Variants in C21orf58 observed in about 807,000 individuals in gnomAD.
The protein encoded by C21orf58 is uncharacterized protein C21orf58.
Under a neutral mutation model 35.8 loss-of-function variants are expected in C21orf58, and 34 were observed. That is an observed-to-expected ratio of 0.95 (90% CI 0.72 to 1.26). The LOEUF (loss-of-function observed/expected upper bound fraction) is 1.26, where lower values mean the gene tolerates loss of function less well. C21orf58 is among the 50% of genes most tolerant of loss of function. The pLI is 0.00. For missense variants in C21orf58, 440 were observed against 414.3 expected (o/e 1.06, Z -0.54); for synonymous variants, 191 against 175.8 (o/e 1.09, Z -0.68).
At chr21:46,302,761 G>T (rs1274669725) in intron 6 of C21orf58, among the ~76,000 whole-genome samples, 185 bp from the exon 7 acceptor site, 2 of 119,516 alleles carry the variant, frequency 1.7e-5, no homozygotes, top group Non-Finnish European at 3.5e-5. Context: ...GTCTGCACAC[G>T]GTGCGGGTCC....
downstream of C21orf58, chr21:46,300,671 G>GT (rs1407712091): frequency 1.6e-6 from 2 of 1,273,628 alleles, no homozygotes; most frequent in Non-Finnish European, 2.0e-6. Flanking sequence ...GCTGTCCCTG[G>GT]GGAGCTCTGC....
chr21:46,316,158 TA>T (rs879446765), intron 3 of C21orf58, among the ~76,000 whole-genome samples: 125 of 142,288 alleles, frequency 8.8e-4, no homozygotes, highest in Non-Finnish European at 7.6e-4. Context: ...GTCTCAGGAA[TA>T]AAAAAAAAAA....
intron 5 of C21orf58, among the ~76,000 whole-genome samples, chr21:46,312,833 C>T (rs2082800464): frequency 6.6e-6 from 1 of 152,206 alleles, no homozygotes. Flanking sequence ...GTCCCAGTGA[C>T]CTCTCTATCC....
rs1389268444 is a variant in C21orf58 at position 46,315,479 on chromosome 21, G to C, written c.439C>G (p.Leu147Val). 6.2e-7 allele frequency: 1 copy of C among 1,600,456 alleles called. No homozygotes were observed. Among genetic ancestry groups the C allele is most frequent in the Non-Finnish European group, 8.6e-7 (1 of 1,168,098 alleles). ...TCAGAGGGTGCAGGGCCTACCCGGA[G>C]TCTCTGCAGAAGGTCCCTCCTTCTC... Reference protein sequence around the residue: ...LKRRRDLLQRLREQHLLDELS... With the variant: ...LKRRRDLLQRVREQHLLDELS... Residue 147 changes from leucine to valine, a missense_variant, in exon 4 of 8, where the codon CTC becomes GTC. Transcript: ENST00000291691.
Position 46,301,550 on chromosome 21 carries a change from G to A in C21orf58, c.*449C>T. Reference sequence around the variant, plus strand: ...ATCAGGATGTTCACACTTCCATGTGGCTAAAGCTATTGATCTTTTCTGTTC... The same window carrying A: ...ATCAGGATGTTCACACTTCCATGTGACTAAAGCTATTGATCTTTTCTGTTC... On this transcript the variant is annotated 3_prime_UTR_variant, in exon 8 of 8. Coordinates refer to ENST00000291691, the MANE Select transcript of C21orf58 (RefSeq NM_058180.5). 1.0e-6 allele frequency: 1 copy of A among 989,038 alleles called. No individual in the cohort carries two copies. The highest frequency in any genetic ancestry group is 1.2e-6 in the Non-Finnish European group (1 of 832,458). 61.3% of individuals were successfully genotyped at this position (989,038 alleles called of 1,614,324 possible). A position where few individuals can be genotyped will look rare whatever the true frequency, so the allele number is the denominator to read the frequency against.
chr21:46,310,482 C>CAAAA (rs1569126386), intron 6 of C21orf58, among the ~76,000 whole-genome samples: 1 of 126,746 alleles, frequency 7.9e-6, no homozygotes, highest in African/African-American at 3.8e-5. Flanking sequence ...TGTCTCAGAA[C>CAAAA]AAAAAAAATA....
chr21:46,313,929 C>T (rs1383952238), intron 5 of C21orf58, among the ~76,000 whole-genome samples: 3 of 152,164 alleles, frequency 2.0e-5, no homozygotes, highest in Admixed American at 6.6e-5. Flanking sequence ...CCTTGACCTC[C>T]GGGCCCCCAG....
intron 2 of C21orf58, among the ~76,000 whole-genome samples, 189 bp downstream of exon 2, chr21:46,317,823 C>T (rs1421837701): frequency 6.6e-6 from 1 of 152,238 alleles, no homozygotes; most frequent in African/African-American, 2.4e-5. Flanking sequence ...ACAGGCAGGT[C>T]GGTCATGGGC....
intron 7 of C21orf58, 94 bp downstream of exon 7, chr21:46,302,391 C>T (rs1247298730): frequency 1.8e-6 from 2 of 1,123,400 alleles, no homozygotes; most frequent in African/African-American, 3.1e-5. Flanking sequence ...CCAGGAATGC[C>T]CTTTCAGAGC....
At chr21:46,310,919 A>C (rs1332724475) in intron 6 of C21orf58, among the ~76,000 whole-genome samples, 1 of 151,542 alleles carries the variant, frequency 6.6e-6, no homozygotes. Flanking sequence ...CCCAGGATGG[A>C]GTAAAGTTGT....
intron 6 of C21orf58, among the ~76,000 whole-genome samples, chr21:46,309,534 A>G (rs2145994971): frequency 1.3e-5 from 2 of 152,316 alleles, no homozygotes; most frequent in African/African-American, 4.8e-5. Flanking sequence ...ATCCACCAAC[A>G]GGTGAATGCA....
Position 46,301,391 on chromosome 21 carries a change from C to G in C21orf58, c.*608G>C. 1.3e-6 allele frequency: 1 copy of G among 764,328 alleles called. No individual in the cohort carries two copies. The highest frequency in any genetic ancestry group is 5.9e-5 in the South Asian group (1 of 16,868). The allele number at this position is 764,328 out of a possible 1,614,324, so 47.3% of individuals were successfully genotyped here. A position where few individuals can be genotyped will look rare whatever the true frequency, so the allele number is the denominator to read the frequency against. On this transcript the variant is annotated 3_prime_UTR_variant, in exon 8 of 8. Transcript: ENST00000291691. Reference sequence around the variant, plus strand: ...CGAATTCCTGAGCTCAAGTGATCCTCCTGCCTCAGCCTCTTAAAGTGCTGG... The same window carrying G: ...CGAATTCCTGAGCTCAAGTGATCCTGCTGCCTCAGCCTCTTAAAGTGCTGG...
chr21:46,315,661 C>T lies in C21orf58; in HGVS notation c.371-114G>A, dbSNP rs1315027877. The T allele has an allele frequency of 4.1e-6, 3 of 726,024 alleles. No homozygotes were observed. In the South Asian group the frequency reaches 4.6e-5, roughly 11 times the overall value. The allele number at this position is 726,024 out of a possible 1,614,324, so 45.0% of individuals were successfully genotyped here. A position where few individuals can be genotyped will look rare whatever the true frequency, so the allele number is the denominator to read the frequency against. On this transcript the variant is annotated intron_variant, in intron 3 of 7. Transcript: ENST00000291691. ...GAAGGCCCTGCCTCACCCACACTCC[C>T]AGGATGGGGGAGGCCTGGGAGGATC...
intron 6 of C21orf58, among the ~76,000 whole-genome samples, chr21:46,305,544 G>A (rs1032635322): frequency 6.6e-6 from 1 of 151,900 alleles, no homozygotes; most frequent in Non-Finnish European, 1.5e-5. Context: ...TGCCCAGGCT[G>A]GTCTTGAACT....
intron 1 of C21orf58, 117 bp downstream of exon 1, chr21:46,322,522 C>T: frequency 7.7e-7 from 1 of 1,304,486 alleles, no homozygotes; most frequent in Non-Finnish European, 9.8e-7. Flanking sequence ...GCAGCCCCTG[C>T]TCGCTTGGCT....
intron 6 of C21orf58, among the ~76,000 whole-genome samples, chr21:46,303,404 C>T (rs1394223980): frequency 2.0e-5 from 3 of 151,512 alleles, no homozygotes; most frequent in African/African-American, 7.3e-5. Flanking sequence ...AAAAGGCAAC[C>T]ACAAGAAGGA....
downstream of C21orf58, chr21:46,300,880 A>C (rs576913351): frequency 3.8e-4 from 232 of 607,034 alleles, 1 homozygote; most frequent in South Asian, 1.7e-3. Flanking sequence ...AATTGCACCC[A>C]AAAAAAAAAG....
In C21orf58 at chr21:46,313,196, C is replaced by A. The variant is rs560143438; in HGVS notation, c.609+1520G>T. The A allele has an allele frequency of 2.6e-3, 670 of 254,688 alleles. 6 individuals carry two copies. The Middle Eastern group carries it at 0.036, about 14-fold the overall frequency. The allele number at this position is 254,688 out of a possible 1,614,324, so 15.8% of individuals were successfully genotyped here. On this transcript the variant is annotated intron_variant, in intron 5 of 7. Coordinates refer to ENST00000291691, the MANE Select transcript of C21orf58 (RefSeq NM_058180.5). ...CAATGTGGAAACAAATGGGCCTGGC[C>A]CAATAAAACTTTATTTATGAACACT...
Position 46,301,440 on chromosome 21 carries a change from C to G in C21orf58, c.*559G>C. 2.0e-6 allele frequency: 2 copies of G among 976,184 alleles called. No individual in the cohort carries two copies. The highest frequency in any genetic ancestry group is 2.4e-6 in the Non-Finnish European group (2 of 822,334). 60.5% of individuals were successfully genotyped at this position (976,184 alleles called of 1,614,324 possible). A position where few individuals can be genotyped will look rare whatever the true frequency, so the allele number is the denominator to read the frequency against. On this transcript the variant is annotated 3_prime_UTR_variant, in exon 8 of 8. Transcript: ENST00000291691. ...GGGATTACAGGCATGAGCCATGCACCCCTACTTCTTTAGTGGGAGTCTGTG... is the reference window on the plus strand; with the variant it reads ...GGGATTACAGGCATGAGCCATGCACGCCTACTTCTTTAGTGGGAGTCTGTG...
Sources: allele counts gnomAD v4.1 joint callset (sites outside exome capture counted in the v4.1 genomes callset), GRCh38; gene constraint gnomAD v4.1.1; transcripts MANE v1.5; gene names NCBI Gene and HGNC (gene_info 2026-07-23, HGNC 2026-07-21).